Variants in STK39 observed in about 807,000 individuals in gnomAD.
STK39 encodes STE20/SPS1-related proline-alanine-rich protein kinase.
In STK39, 20 loss-of-function variants were observed where a neutral mutation model predicts 77.8. The ratio of observed to expected loss-of-function variants is 0.26; its 90% confidence interval spans 0.18 to 0.37. STK39 has a LOEUF of 0.37. Among genes scored for constraint, STK39 ranks in the 10% least tolerant of loss-of-function variants. STK39 has a pLI of 1.00. For missense variants in STK39, 479 were observed against 656.5 expected (o/e 0.73, Z 2.95); for synonymous variants, 246 against 234.1 (o/e 1.05, Z -0.47).
chr2:168,197,247 T>G (rs1366539321), intron 1 of STK39, among the ~76,000 whole-genome samples: 3 of 152,198 alleles, frequency 2.0e-5, no homozygotes, highest in Admixed American at 1.3e-4. Context: ...TGCTGATAGA[T>G]TGGAAGTTAA....
intron 5 of STK39, 54 bp from the exon 6 acceptor site, chr2:168,140,812 A>C: frequency 7.0e-7 from 1 of 1,435,818 alleles, no homozygotes; most frequent in East Asian, 2.3e-5. Flanking sequence ...ATTGCTTATA[A>C]ATTGTGATTT....
At chr2:167,955,709 G>C (rs199542732) in intron 17 of STK39, 139 bp from the exon 18 acceptor site, 107 of 745,804 alleles carry the variant, frequency 1.4e-4, no homozygotes, top group Middle Eastern at 2.8e-4. Context: ...GAAGAGAGAC[G>C]CCAGCCACTC....
intron 16 of STK39, among the ~76,000 whole-genome samples, chr2:167,971,953 T>C (rs1692359307): frequency 6.6e-6 from 1 of 152,254 alleles, no homozygotes; most frequent in Non-Finnish European, 1.5e-5. Context: ...TATTTTACTC[T>C]GGCCAGAACA....
intron 16 of STK39, among the ~76,000 whole-genome samples, chr2:168,010,198 C>T (rs934982902): frequency 6.6e-6 from 1 of 152,222 alleles, no homozygotes; most frequent in African/African-American, 2.4e-5. Flanking sequence ...ATTATTTTCA[C>T]TTGCTGATTA....
chr2:168,196,848 G>C (rs1221015932), intron 1 of STK39, among the ~76,000 whole-genome samples: 1 of 152,108 alleles, frequency 6.6e-6, no homozygotes, highest in Non-Finnish European at 1.5e-5. Context: ...CCTCAGATAG[G>C]AATGATTTTG....
intron 1 of STK39, among the ~76,000 whole-genome samples, chr2:168,206,386 C>T (rs557156273): frequency 2.6e-5 from 4 of 151,740 alleles, no homozygotes; most frequent in South Asian, 2.1e-4. Flanking sequence ...CCGCAACCTG[C>T]GCCTCCTGGA....
chr2:168,024,150 C>CACAGTCTT (rs2105329937), intron 14 of STK39, among the ~76,000 whole-genome samples: 1 of 152,272 alleles, frequency 6.6e-6, no homozygotes, highest in South Asian at 2.1e-4. Flanking sequence ...AGTCCATCCC[C>CACAGTCTT]ACAGTCTTAG....
At chr2:168,107,589 G>A (rs1227723039) in intron 10 of STK39, among the ~76,000 whole-genome samples, 1 of 152,142 alleles carries the variant, frequency 6.6e-6, no homozygotes, top group Non-Finnish European at 1.5e-5. Context: ...ATTATTTGAC[G>A]TTAAAAATAT....
chr2:168,234,475 T>C (rs1690546353), intron 1 of STK39, among the ~76,000 whole-genome samples: 1 of 152,218 alleles, frequency 6.6e-6, no homozygotes, highest in African/African-American at 2.4e-5. Flanking sequence ...CTGATTGTTA[T>C]AAAATATCAG....
At chr2:168,221,954 G>C (rs748070766) in intron 1 of STK39, among the ~76,000 whole-genome samples, 2 of 152,148 alleles carry the variant, frequency 1.3e-5, no homozygotes, top group Admixed American at 1.3e-4. Flanking sequence ...CCTGTTTCAC[G>C]ATTTAATAAG....
chr2:167,981,523 G>T (rs1162535991), intron 16 of STK39, among the ~76,000 whole-genome samples: 1 of 152,164 alleles, frequency 6.6e-6, no homozygotes, highest in Admixed American at 6.5e-5. Flanking sequence ...ACAATCAGTG[G>T]TAGAAGAAGA....
At chr2:168,198,976 A>C (rs1359233014) in intron 1 of STK39, among the ~76,000 whole-genome samples, 3 of 152,236 alleles carry the variant, frequency 2.0e-5, no homozygotes, top group African/African-American at 7.2e-5. Flanking sequence ...GCACATCTAA[A>C]AAAGTTTCAT....
chr2:168,011,546 T>C (rs1025720390), intron 16 of STK39, among the ~76,000 whole-genome samples: 2 of 152,118 alleles, frequency 1.3e-5, no homozygotes, highest in Non-Finnish European at 2.9e-5. Context: ...AAGTCAGAAT[T>C]TGCTGAAGAG....
chr2:168,091,606 C>T (rs960770244), intron 10 of STK39, among the ~76,000 whole-genome samples: 6 of 152,298 alleles, frequency 3.9e-5, no homozygotes, highest in South Asian at 2.1e-4. Flanking sequence ...AGGTGTGACA[C>T]GCTGACGTTG....
intron 16 of STK39, 138 bp from the exon 17 acceptor site, chr2:167,964,864 A>G (rs1423867494): frequency 1.5e-6 from 1 of 672,094 alleles, no homozygotes; most frequent in African/African-American, 1.8e-5. Context: ...CAAAGTCCAT[A>G]TAAATGACCA....
intron 1 of STK39, among the ~76,000 whole-genome samples, chr2:168,195,495 G>A (rs1180649008): frequency 6.6e-6 from 1 of 152,154 alleles, no homozygotes; most frequent in Non-Finnish European, 1.5e-5. Flanking sequence ...AGTCTGGTCG[G>A]TGGCCATGCT....
At chr2:168,162,471 TCA>T (rs1200660698) in intron 4 of STK39, among the ~76,000 whole-genome samples, 4 of 152,074 alleles carry the variant, frequency 2.6e-5, no homozygotes, top group Non-Finnish European at 4.4e-5. Flanking sequence ...GCCCATAAAC[TCA>T]CACTACTGTC....
chr2:168,116,050 G>C (rs1299228952), intron 10 of STK39, among the ~76,000 whole-genome samples: 1 of 152,158 alleles, frequency 6.6e-6, no homozygotes, highest in Non-Finnish European at 1.5e-5. Context: ...GCCAGGGCTG[G>C]CTGGAGTCTA....
chr2:168,115,229 T>A (rs754294988), intron 10 of STK39, among the ~76,000 whole-genome samples: 1 of 152,212 alleles, frequency 6.6e-6, no homozygotes, highest in Non-Finnish European at 1.5e-5. Flanking sequence ...AACATTCCAA[T>A]GCCAAAAATA....
Sources: allele counts gnomAD v4.1 joint callset (sites outside exome capture counted in the v4.1 genomes callset), GRCh38; gene constraint gnomAD v4.1.1; transcripts MANE v1.5; gene names NCBI Gene and HGNC (gene_info 2026-07-23, HGNC 2026-07-21).